The following IRAG1 variants were observed in gnomAD, a reference collection of about 807,000 sequenced individuals.
IRAG1 encodes inositol 1,4,5-triphosphate receptor associated 1.
Under a neutral mutation model 106.2 loss-of-function variants are expected in IRAG1, and 62 were observed. The observed-to-expected ratio is 0.58, with a 90% CI of 0.48 to 0.72. The LOEUF (loss-of-function observed/expected upper bound fraction) is 0.72. Ranked by LOEUF, IRAG1 falls within the 30% of genes least tolerant of loss-of-function variation. IRAG1 has a pLI of 0.00. For missense variants in IRAG1, 1,064 were observed against 1,140.7 expected (o/e 0.93, Z 0.97); for synonymous variants, 462 against 443.9 (o/e 1.04, Z -0.51).
In IRAG1 at chr11:10,672,338, A is replaced by G. The variant is rs545727339; in HGVS notation, c.68-20156T>C. ...AGGCAACAAAAGAAAAAGTAAATAA[A>G]TTGGACTTCATCGCGATACAAAAAA... On this transcript the variant is annotated intron_variant, in intron 1 of 20. Coordinates refer to ENST00000423302, the MANE Select transcript of IRAG1 (RefSeq NM_130385.4). Among the ~76,000 whole-genome samples, 7 of 152,338 alleles carry G rather than the reference A, an allele frequency of 4.6e-5. No individual in the cohort carries two copies. The East Asian group carries it at 9.6e-4, about 21-fold the overall frequency.
intron 15 of IRAG1, among the ~76,000 whole-genome samples, chr11:10,597,692 G>C (rs1478391969): frequency 6.6e-6 from 1 of 152,144 alleles, no homozygotes; most frequent in Non-Finnish European, 1.5e-5. Flanking sequence ...TAAAAAAATT[G>C]TCAGATCATT....
At chr11:10,624,685 T>C (rs559361082) in intron 9 of IRAG1, among the ~76,000 whole-genome samples, 18 of 152,098 alleles carry the variant, frequency 1.2e-4, no homozygotes, top group South Asian at 2.1e-4. Context: ...TCAAGGACCC[T>C]TTACCCATTT....
chr11:10,634,147 T>C (rs1371856094), intron 2 of IRAG1, 76 bp from the exon 3 acceptor site: 3 of 826,768 alleles, frequency 3.6e-6, no homozygotes, highest in Non-Finnish European at 2.0e-6. Context: ...AGAGCATTTA[T>C]TCTCACATCA....
intron 13 of IRAG1, 68 bp downstream of exon 13, chr11:10,604,337 G>C (rs1306578886): frequency 3.1e-6 from 5 of 1,591,354 alleles, no homozygotes; most frequent in African/African-American, 2.7e-5. Flanking sequence ...AGAGAAGCAT[G>C]ACACCCTGTA....
At chr11:10,609,948 G>C in intron 10 of IRAG1, 97 bp from the exon 11 acceptor site, 1 of 1,221,978 alleles carries the variant, frequency 8.2e-7, no homozygotes, top group Non-Finnish European at 1.1e-6. Flanking sequence ...TAAGTATCTA[G>C]TTCTATGTTA....
rs1266438820 is a variant in IRAG1, at chr11:10,647,676, C to T, written c.225+4349G>A. On this transcript the variant is annotated intron_variant, in intron 2 of 20. Coordinates refer to ENST00000423302, the MANE Select transcript of IRAG1 (RefSeq NM_130385.4). This position sits in a 1 kb window ranked among gnomAD's most constrained non-coding sequence, Gnocchi z 4.3. ...ACAAGGCACTTCAGAGGATGCTGCACTGTCTGGGTGAGTCAGCTTCCTACT... is the reference window on the plus strand; with the variant it reads ...ACAAGGCACTTCAGAGGATGCTGCATTGTCTGGGTGAGTCAGCTTCCTACT... Among the ~76,000 whole-genome samples, 1 of 152,178 alleles carries T rather than the reference C, an allele frequency of 6.6e-6. No homozygotes were observed. Among genetic ancestry groups the T allele is most frequent in the Non-Finnish European group, 1.5e-5 (1 of 68,044 alleles).
intron 12 of IRAG1, among the ~76,000 whole-genome samples, chr11:10,605,930 TAC>T (rs916408144): frequency 2.6e-5 from 4 of 152,234 alleles, no homozygotes; most frequent in Non-Finnish European, 1.5e-5. Context: ...TTTTGCCAAC[TAC>T]AGTATCTAGA....
intron 1 of IRAG1, among the ~76,000 whole-genome samples, chr11:10,662,976 G>T (rs1423981259): frequency 6.6e-6 from 1 of 152,186 alleles, no homozygotes; most frequent in Non-Finnish European, 1.5e-5. Flanking sequence ...CAACATGTGG[G>T]CTGAATCTGA....
At chr11:10,680,060 G>A (rs1465315849) in intron 1 of IRAG1, among the ~76,000 whole-genome samples, 1 of 151,932 alleles carries the variant, frequency 6.6e-6, no homozygotes, top group Admixed American at 6.6e-5. Flanking sequence ...GATCACCTGA[G>A]GTCAGGGGTT....
chr11:10,631,681 G>GT (rs1172456111), intron 4 of IRAG1, among the ~76,000 whole-genome samples: 1 of 152,238 alleles, frequency 6.6e-6, no homozygotes, highest in Non-Finnish European at 1.5e-5. Flanking sequence ...CAACCTGGAT[G>GT]TGGGCCTCTT....
In IRAG1 at chr11:10,665,978, G is replaced by A. The variant is rs1272874411; in HGVS notation, c.68-13796C>T. Among the ~76,000 whole-genome samples the A allele has an allele frequency of 6.6e-6, 1 of 152,184 alleles. No homozygotes were observed. Among genetic ancestry groups the A allele is most frequent in the Non-Finnish European group, 1.5e-5 (1 of 68,022 alleles). On this transcript the variant is annotated intron_variant, in intron 1 of 20. Transcript: ENST00000423302. This position sits in a 1 kb window ranked among gnomAD's most constrained non-coding sequence, Gnocchi z 4.2. ...TGGCAGGGGTGGGTGGAAGCCGGGA[G>A]GGTAGAGCCTGGGAATGGCTCTCCC... is the stretch of plus-strand genomic sequence containing the variant.
At chr11:10,580,716 C>T (rs1851302058) in intron 19 of IRAG1, 127 bp from the exon 20 acceptor site, 1 of 1,166,962 alleles carries the variant, frequency 8.6e-7, no homozygotes, top group South Asian at 1.6e-5. Context: ...TTCCACAAAA[C>T]AGGAAAAAGC....
chr11:10,684,602 T>TATAATA lies in IRAG1; in HGVS notation c.67+8928_67+8933dup, dbSNP rs72177457. Among the ~76,000 whole-genome samples the TATAATA allele has an allele frequency of 3.6e-3, 497 of 138,928 alleles. 2 individuals are homozygous for TATAATA. Among genetic ancestry groups the TATAATA allele is most frequent in the African/African-American group, 5.6e-3 (213 of 37,812 alleles). 91.1% of individuals were successfully genotyped at this position (138,928 alleles called of 152,430 possible). On this transcript the variant is annotated intron_variant, in intron 1 of 20. Coordinates refer to ENST00000423302, the MANE Select transcript of IRAG1 (RefSeq NM_130385.4). ...TACACATGTACCCTAAAACTTAAAGTATAATAATAATAATAATAATAATAA... is the reference window on the plus strand; with the variant it reads ...TACACATGTACCCTAAAACTTAAAGTATAATAATAATAATAATAATAATAATAATAA...
At chr11:10,632,144 CTT>C (rs762771365) in intron 3 of IRAG1, 83 bp from the exon 4 acceptor site, 19 of 846,678 alleles carry the variant, frequency 2.2e-5, no homozygotes, top group Non-Finnish European at 3.1e-5. Context: ...TATTCTTTTT[CTT>C]TTTCTTTCTT....
chr11:10,601,133 T>C, intron 14 of IRAG1, 74 bp from the exon 15 acceptor site: 2 of 1,574,774 alleles, frequency 1.3e-6, no homozygotes, highest in Admixed American at 1.7e-5. Context: ...TGCTCTGACC[T>C]AGGGTCTGGG....
intron 1 of IRAG1, among the ~76,000 whole-genome samples, chr11:10,680,512 A>AAAGG (rs1554935766): frequency 1.3e-4 from 17 of 131,690 alleles, no homozygotes; most frequent in African/African-American, 4.8e-4. Context: ...AGAAAGGGAA[A>AAAGG]AAGAAAGGAA....
At chr11:10,597,424 C>T (rs1834115111) in intron 15 of IRAG1, among the ~76,000 whole-genome samples, 1 of 152,212 alleles carries the variant, frequency 6.6e-6, no homozygotes, top group South Asian at 2.1e-4. Flanking sequence ...TTCCTGGGCT[C>T]AAGCGATCCT....
intron 1 of IRAG1, among the ~76,000 whole-genome samples, chr11:10,676,558 G>C (rs1860693507): frequency 6.6e-6 from 1 of 152,176 alleles, no homozygotes; most frequent in African/African-American, 2.4e-5. Flanking sequence ...ATTCAGTTCG[G>C]TGACTTCTGT....
At chr11:10,626,776 A>G (rs1371025785) in intron 8 of IRAG1, among the ~76,000 whole-genome samples, 193 bp from the exon 9 acceptor site, 1 of 152,236 alleles carries the variant, frequency 6.6e-6, no homozygotes, top group Non-Finnish European at 1.5e-5. Context: ...AGACAGGAAA[A>G]TGGAACCTGC....
Sources: gnomAD v4.1 joint callset for allele counts (sites outside exome capture counted in the v4.1 genomes callset) on GRCh38, gnomAD v4.1.1 for gene constraint, Gnocchi (gnomAD v3.1) non-coding constraint, MANE v1.5 for transcripts, NCBI Gene and HGNC (gene_info 2026-07-23, HGNC 2026-07-21) for gene names.